The following TNRC6B variants were observed in gnomAD, a reference collection of about 807,000 sequenced individuals.
The protein encoded by TNRC6B is trinucleotide repeat-containing gene 6B protein.
A neutral mutation model predicts 203.6 loss-of-function variants in TNRC6B; 52 were observed. The ratio of observed to expected loss-of-function variants is 0.26; its 90% CI spans 0.20 to 0.32. The LOEUF (loss-of-function observed/expected upper bound fraction) is 0.32, where lower values mean the gene tolerates loss of function less well. Among genes scored for constraint, TNRC6B ranks in the 10% least tolerant of loss-of-function variants. The pLI is 1.00. For missense variants in TNRC6B, 1,923 were observed against 2,286.2 expected, an observed-to-expected ratio of 0.84 and a Z score of 3.24; for synonymous variants, 838 against 845.7, an observed-to-expected ratio of 0.99 and a Z score of 0.16.
intron 1 of TNRC6B, among the ~76,000 whole-genome samples, chr22:40,217,835 C>T (rs950847610): frequency 6.6e-6 from 1 of 151,860 alleles, no homozygotes; most frequent in East Asian, 1.9e-4. Context: ...ATTAGCCGGG[C>T]CTGGTTTCGT....
At chr22:40,274,418 AT>A (rs1724658948) in intron 7 of TNRC6B, among the ~76,000 whole-genome samples, 1 of 149,190 alleles carries the variant, frequency 6.7e-6, no homozygotes. Flanking sequence ...GATTAATGAT[AT>A]CTCTTTTTTT....
chr22:40,059,049 C>G (rs2067825266), intron 1 of TNRC6B, among the ~76,000 whole-genome samples: 1 of 152,194 alleles, frequency 6.6e-6, no homozygotes, highest in Admixed American at 6.5e-5. Context: ...TTACTGCTCC[C>G]ATTTATCAAC....
chr22:40,266,059 G>T lies in TNRC6B; in HGVS notation c.1829G>T (p.Arg610Leu). Residue 610 changes from arginine to leucine, a missense_variant, in exon 5 of 23, where the codon CGA (arginine) becomes CTA (leucine). Around this residue, in one of 8 missense-constraint regions of TNRC6B, gnomAD observed 38 missense variants for 70.3 expected, o/e 0.54. Transcript: ENST00000454349. ...GCTGTCTTGCAGACTCTTTTGAGCC[G>T]AACTGATTTGGACCCCAGGGTGCTC... ...CQAVLQTLLS[R>L]TDLDPRVLSN... The T allele has an allele frequency of 6.2e-7, 1 of 1,613,670 alleles. No individual in the cohort carries two copies. Among genetic ancestry groups the T allele is most frequent in the Non-Finnish European group, 8.5e-7 (1 of 1,179,906 alleles).
Position 40,323,251 on chromosome 22 carries a change from T to G in TNRC6B, c.*10T>G. The G allele has an allele frequency of 6.2e-7, 1 of 1,604,754 alleles. No homozygotes were observed. Among genetic ancestry groups the G allele is most frequent in the Middle Eastern group, 2.1e-4 (1 of 4,826 alleles). On this transcript the variant is annotated 3_prime_UTR_variant, in exon 23 of 23. Transcript: ENST00000454349. Reference sequence around the variant, plus strand: ...GTCGGATTCAATCTGAACTTAGAACTTTCAACTCTGACCTCGTGACCTTTT... The same window carrying G: ...GTCGGATTCAATCTGAACTTAGAACGTTCAACTCTGACCTCGTGACCTTTT...
intron 1 of TNRC6B, 130 bp downstream of exon 1, chr22:40,178,270 G>C (rs2069089008): frequency 9.7e-7 from 1 of 1,026,488 alleles, no homozygotes; most frequent in Non-Finnish European, 1.5e-6. Flanking sequence ...TCGTGGATCT[G>C]TGTAAATCAG....
Position 40,266,005 on chromosome 22 carries a change from C to T in TNRC6B, c.1775C>T (p.Ser592Leu), listed in dbSNP as rs1294558370. 1 of 1,613,794 alleles carries T rather than the reference C, an allele frequency of 6.2e-7. No homozygotes were observed. Among genetic ancestry groups the T allele is most frequent in the South Asian group, 1.1e-5 (1 of 91,062 alleles). ...GACAGTCATAACTCTGGCCGTCGGTCGTACAGGCCCACACATCCTGATTGT... is the reference window on the plus strand; with the variant it reads ...GACAGTCATAACTCTGGCCGTCGGTTGTACAGGCCCACACATCCTGATTGT... ...SSDSHNSGRRSYRPTHPDCQA... is the reference protein window; with the variant it reads ...SSDSHNSGRRLYRPTHPDCQA... The change falls in exon 5 of 23, where the codon TCG becomes TTG. Residue 592 changes from serine (S) to leucine (L), a missense_variant. Transcript: ENST00000454349.
Position 40,327,303 on chromosome 22 carries a change from G to C in TNRC6B, c.*4062G>C, listed in dbSNP as rs2071416451. The C allele has an allele frequency of 6.5e-6, 1 of 152,684 alleles. No homozygotes were observed. The highest frequency in any genetic ancestry group is 2.4e-5 in the African/African-American group (1 of 41,452). The allele number at this position is 152,684 out of a possible 1,614,324, so 9.5% of individuals were successfully genotyped here. Reference sequence around the variant, plus strand: ...CATAAAGGAAATTGGAGTGGTTCTGGACAGGCCCCAAAGGCAGTGGGCTGA... The same window carrying C: ...CATAAAGGAAATTGGAGTGGTTCTGCACAGGCCCCAAAGGCAGTGGGCTGA... On this transcript the variant is annotated 3_prime_UTR_variant, in exon 23 of 23. Coordinates refer to ENST00000454349, the MANE Select transcript of TNRC6B (RefSeq NM_001162501.2).
At chr22:40,222,912 A>C (rs1189253278) in intron 1 of TNRC6B, among the ~76,000 whole-genome samples, 1 of 150,840 alleles carries the variant, frequency 6.6e-6, no homozygotes, top group Non-Finnish European at 1.5e-5. Flanking sequence ...CTTCCAGCTA[A>C]TATTTATATT....
intron 1 of TNRC6B, among the ~76,000 whole-genome samples, chr22:40,077,093 A>T (rs1601801600): frequency 8.9e-6 from 1 of 112,276 alleles, no homozygotes; most frequent in Non-Finnish European, 1.8e-5. Flanking sequence ...GAGGAGAAAG[A>T]GGGAGGGAGA....
In TNRC6B at chr22:40,132,963, A is replaced by ATATATAT. The variant is rs1555884671; in HGVS notation, c.45+7101_45+7102insTATATAT. 2.4e-3 allele frequency among the ~76,000 whole-genome samples: 198 copies of ATATATAT among 80,884 alleles called. 1 individual carries two copies. The highest frequency in any genetic ancestry group is 7.6e-3 in the African/African-American group (178 of 23,418). 53.1% of individuals were successfully genotyped at this position (80,884 alleles called of 152,430 possible). ...TGTCTCAAAAAAAAAAAAAAAAAAAAAAAAAAATATATATATATATATATA... is the reference window on the plus strand; with the variant it reads ...TGTCTCAAAAAAAAAAAAAAAAAAAATATATATAAAAAAATATATATATATATATATA... On this transcript the variant is annotated intron_variant, in intron 3 of 23. Transcript: ENST00000301923.
chr22:40,304,894 A>G lies in TNRC6B; in HGVS notation c.4120+3561A>G, dbSNP rs144062861. On this transcript the variant is annotated intron_variant, in intron 15 of 22. Transcript: ENST00000454349. The stretch of plus-strand genomic sequence containing the variant: ...ATGATTGTGTCGATACCAAGTGTAC[A>G]TGTGGACACGGACTTAGAACAGTTG... 2.8e-3 allele frequency among the ~76,000 whole-genome samples: 432 copies of G among 152,346 alleles called. 1 individual carries two copies. The highest frequency in any genetic ancestry group is 7.3e-3 in the African/African-American group (302 of 41,576).
At chr22:40,317,132 G>C (rs1245039308) in intron 21 of TNRC6B, among the ~76,000 whole-genome samples, 1 of 152,164 alleles carries the variant, frequency 6.6e-6, no homozygotes, top group African/African-American at 2.4e-5. Flanking sequence ...TCTCAACTAA[G>C]TTCTTTGTTT....
chr22:40,105,697 AT>A (rs1380365812), intron 1 of TNRC6B, among the ~76,000 whole-genome samples: 2 of 152,074 alleles, frequency 1.3e-5, no homozygotes, highest in African/African-American at 2.4e-5. Context: ...TATTGAGGAT[AT>A]TTGGGTTGTT....
rs1403264443 is a variant in TNRC6B at position 40,327,946 on chromosome 22, A to C, written c.*4705A>C. ...CACAAACTTGGTTTCTACCTACCAC[A>C]CGAGTAGCCAAAAGAAAAGAAGCAC... On this transcript the variant is annotated 3_prime_UTR_variant, in exon 23 of 23. Transcript: ENST00000454349. 6.6e-6 allele frequency: 1 copy of C among 152,124 alleles called. No individual in the cohort carries two copies. Among genetic ancestry groups the C allele is most frequent in the East Asian group, 1.9e-4 (1 of 5,180 alleles). 9.4% of individuals were successfully genotyped at this position (152,124 alleles called of 1,614,324 possible).
chr22:40,169,461 C>A (rs1165529338), intron 4 of TNRC6B, among the ~76,000 whole-genome samples: 1 of 152,004 alleles, frequency 6.6e-6, no homozygotes, highest in East Asian at 1.9e-4. Flanking sequence ...ATTGATTGGC[C>A]TTACGATATT....
chr22:40,261,272 C>T (rs887441889), intron 3 of TNRC6B, among the ~76,000 whole-genome samples: 1 of 150,872 alleles, frequency 6.6e-6, no homozygotes, highest in African/African-American at 2.4e-5. Flanking sequence ...TACAGCAAGA[C>T]CTCATCTCAA....
chr22:40,311,618 T>G (rs770239563), intron 17 of TNRC6B, among the ~76,000 whole-genome samples: 15 of 151,910 alleles, frequency 9.9e-5, no homozygotes, highest in Non-Finnish European at 1.8e-4. Context: ...CTTGGTTCAC[T>G]GCAAGCTCTG....
chr22:40,311,150 G>A (rs2071174331), intron 17 of TNRC6B, among the ~76,000 whole-genome samples, 157 bp downstream of exon 17: 1 of 152,130 alleles, frequency 6.6e-6, no homozygotes, highest in Non-Finnish European at 1.5e-5. Flanking sequence ...CATGTGCTGT[G>A]GGAAGATAGA....
At chr22:40,097,253 A>C (rs2068192863) in intron 1 of TNRC6B, among the ~76,000 whole-genome samples, 1 of 152,138 alleles carries the variant, frequency 6.6e-6, no homozygotes, top group South Asian at 2.1e-4. Context: ...GAAGTAGAAA[A>C]TGGAAAATTC....
Sources: allele counts gnomAD v4.1 joint callset (sites outside exome capture counted in the v4.1 genomes callset), GRCh38; gene constraint gnomAD v4.1.1; regional missense constraint gnomAD v4.1.1; transcripts MANE v1.5; gene names NCBI Gene and HGNC (gene_info 2026-07-23, HGNC 2026-07-21).